Variants in CISD2 observed in about 807,000 individuals in gnomAD.
CISD2 encodes CDGSH iron sulfur domain 2.
A neutral mutation model predicts 12.9 loss-of-function variants in CISD2; 1 was observed. The ratio of observed to expected loss-of-function variants is 0.08; its 90% confidence interval spans 0.03 to 0.37. The LOEUF (loss-of-function observed/expected upper bound fraction) is 0.37. Ranked by LOEUF, CISD2 falls within the 10% of genes least tolerant of loss-of-function variation. CISD2 has a pLI of 0.99. For synonymous variants in CISD2, 50 were observed against 60.6 expected (o/e 0.83, Z 0.81); for missense variants, 97 against 163.1 (o/e 0.59, Z 2.21).
chr4:102,876,362 C>T (rs1278976480), intron 1 of CISD2, among the ~76,000 whole-genome samples: 1 of 152,158 alleles, frequency 6.6e-6, no homozygotes, highest in African/African-American at 2.4e-5. Flanking sequence ...GCACTGGTTA[C>T]ATAGATATAA....
In CISD2 at chr4:102,889,046, AG is replaced by A. The variant is rs1734091400; in HGVS notation, c.*1617del. 6.6e-6 allele frequency: 1 copy of A among 152,254 alleles called. No homozygotes were observed. 9.4% of individuals were successfully genotyped at this position (152,254 alleles called of 1,614,324 possible). Reference sequence around the variant, plus strand: ...CTTGTATGTACCAGACACTACACTAAGCATGGTACTTGGGTTTTTAATTTAT... The same window carrying A: ...CTTGTATGTACCAGACACTACACTAACATGGTACTTGGGTTTTTAATTTAT... On this transcript the variant is annotated 3_prime_UTR_variant, in exon 3 of 3. Transcript: ENST00000273986.
At position 102,888,250 on chromosome 4, in the gene CISD2, T is replaced by G. The variant is rs1734040937; in HGVS notation, c.*820T>G. The G allele has an allele frequency of 6.6e-6, 1 of 152,218 alleles. No homozygotes were observed. Among genetic ancestry groups the G allele is most frequent in the Non-Finnish European group, 1.5e-5 (1 of 68,038 alleles). 9.4% of individuals were successfully genotyped at this position (152,218 alleles called of 1,614,324 possible). ...TGTTTATGTGGATATTTTTCTCTTTTTAACACTATAAACCATTAAAATACA... is the reference window on the plus strand; with the variant it reads ...TGTTTATGTGGATATTTTTCTCTTTGTAACACTATAAACCATTAAAATACA... On this transcript the variant is annotated 3_prime_UTR_variant, in exon 3 of 3. Coordinates refer to ENST00000273986, the MANE Select transcript of CISD2 (RefSeq NM_001008388.5).
Position 102,890,295 on chromosome 4 carries a change from G to A in CISD2, c.*2865G>A, listed in dbSNP as rs1734173527. The A allele has an allele frequency of 6.6e-6, 1 of 152,182 alleles. No individual in the cohort carries two copies. Among genetic ancestry groups the A allele is most frequent in the South Asian group, 2.1e-4 (1 of 4,828 alleles). 9.4% of individuals were successfully genotyped at this position (152,182 alleles called of 1,614,324 possible). A position where few individuals can be genotyped will look rare whatever the true frequency, so the allele number is the denominator to read the frequency against. On this transcript the variant is annotated 3_prime_UTR_variant, in exon 3 of 3. Coordinates refer to ENST00000273986, the MANE Select transcript of CISD2 (RefSeq NM_001008388.5). Reference sequence around the variant, plus strand: ...ATTAAGCCAGCTGCTGATCTATATAGTACTACCTTCCTCATTGTGATTCCA... The same window carrying A: ...ATTAAGCCAGCTGCTGATCTATATAATACTACCTTCCTCATTGTGATTCCA...
chr4:102,880,825 T>TCTACTAAAATACAAAAATTAGCTG (rs1176277741), intron 1 of CISD2, among the ~76,000 whole-genome samples: 5 of 151,552 alleles, frequency 3.3e-5, no homozygotes, highest in Admixed American at 3.3e-4. Context: ...AAACCCCATC[T>TCTACTAAAATACAAAAATTAGCTG]CTACTAAAAT....
intron 1 of CISD2, chr4:102,884,965 T>C (rs1733831761): frequency 2.2e-6 from 1 of 448,854 alleles, no homozygotes; most frequent in Non-Finnish European, 4.1e-6. Context: ...GACAATGAGA[T>C]AGGATATTTG....
chr4:102,887,930 A>ATTG lies in CISD2; in HGVS notation c.*505_*507dup, dbSNP rs1359617456. On this transcript the variant is annotated 3_prime_UTR_variant, in exon 3 of 3. Coordinates refer to ENST00000273986, the MANE Select transcript of CISD2 (RefSeq NM_001008388.5). ...GAGATAGACTCTTTGCTTTATAGAG[A>ATTG]TTGTTGTGTATTTAATATGAATATC... 2 of 155,072 alleles carry ATTG rather than the reference A, an allele frequency of 1.3e-5. No homozygotes were observed. Among genetic ancestry groups the ATTG allele is most frequent in the South Asian group, 2.0e-4 (1 of 5,076 alleles). The allele number at this position is 155,072 out of a possible 1,614,324, so 9.6% of individuals were successfully genotyped here.
chr4:102,886,540 T>C (rs1733927292), intron 2 of CISD2, among the ~76,000 whole-genome samples: 1 of 152,050 alleles, frequency 6.6e-6, no homozygotes, highest in African/African-American at 2.4e-5. Flanking sequence ...GGAAAAAATA[T>C]ACCAAACTGT....
intron 1 of CISD2, among the ~76,000 whole-genome samples, chr4:102,880,869 A>G (rs113827356): frequency 0.09 from 13,613 of 151,742 alleles, 788 homozygotes; most frequent in Admixed American, 0.15. Context: ...GCGTGCGCCT[A>G]TAATCCCAGC....
chr4:102,879,230 T>A (rs1733658292), intron 1 of CISD2, among the ~76,000 whole-genome samples: 1 of 152,046 alleles, frequency 6.6e-6, no homozygotes, highest in African/African-American at 2.4e-5. Flanking sequence ...CAAACCATAT[T>A]AGTAGATACT....
chr4:102,891,509 T>A lies in CISD2; in HGVS notation c.*4079T>A, dbSNP rs1410600703. 1.3e-5 allele frequency: 2 copies of A among 152,220 alleles called. No individual in the cohort carries two copies. Among genetic ancestry groups the A allele is most frequent in the African/African-American group, 2.4e-5 (1 of 41,458 alleles). The allele number at this position is 152,220 out of a possible 1,614,324, so 9.4% of individuals were successfully genotyped here. On this transcript the variant is annotated 3_prime_UTR_variant, in exon 3 of 3. Transcript: ENST00000273986. ...GTTTAGTGATGAATTGGAATCAAGA[T>A]AAGTAGTATGTGTTATTCAAAAAGG...
chr4:102,886,565 T>G (rs1733929913), intron 2 of CISD2, among the ~76,000 whole-genome samples: 1 of 152,146 alleles, frequency 6.6e-6, no homozygotes, highest in Non-Finnish European at 1.5e-5. Context: ...TATTATTATG[T>G]GTATCTGGAT....
chr4:102,885,821 C>T (rs1320027920), intron 2 of CISD2, among the ~76,000 whole-genome samples: 1 of 152,164 alleles, frequency 6.6e-6, no homozygotes, highest in Non-Finnish European at 1.5e-5. Flanking sequence ...CTCTAATCTT[C>T]AGGGTTTGTT....
chr4:102,869,318 A>C, intron 1 of CISD2, 131 bp downstream of exon 1: 2 of 1,287,660 alleles, frequency 1.6e-6, no homozygotes, highest in Non-Finnish European at 2.2e-6. Context: ...GCGCAGAGGA[A>C]GGTGGGCGCG....
Position 102,889,626 on chromosome 4 carries a change from T to C in CISD2, c.*2196T>C, listed in dbSNP as rs1734134528. On this transcript the variant is annotated 3_prime_UTR_variant, in exon 3 of 3. Coordinates refer to ENST00000273986, the MANE Select transcript of CISD2 (RefSeq NM_001008388.5). ...AAGTAAGATGGTTGTACTCTCAGAA[T>C]AAAGACTTTTTCCCTGCCACATTTT... The C allele has an allele frequency of 7.4e-6, 1 of 134,270 alleles. No individual in the cohort carries two copies. The highest frequency in any genetic ancestry group is 2.7e-5 in the African/African-American group (1 of 36,646). The allele number at this position is 134,270 out of a possible 1,614,324, so 8.3% of individuals were successfully genotyped here. A position where few individuals can be genotyped will look rare whatever the true frequency, so the allele number is the denominator to read the frequency against.
At chr4:102,870,395 A>C (rs1049149155) in intron 1 of CISD2, among the ~76,000 whole-genome samples, 3 of 152,088 alleles carry the variant, frequency 2.0e-5, no homozygotes, top group Non-Finnish European at 4.4e-5. Context: ...AACAAACAAA[A>C]AGACTCTGGT....
Position 102,869,428 on chromosome 4 carries a change from G to A in CISD2, c.103+241G>A. The stretch of plus-strand genomic sequence containing the variant: ...GGAGTTGTCTCCGGTGTCATTCCGT[G>A]GCAAGATACCAGGTTTTTGCAGAGA... On this transcript the variant is annotated intron_variant, in intron 1 of 2. Coordinates refer to ENST00000273986, the MANE Select transcript of CISD2 (RefSeq NM_001008388.5). 4.2e-6 allele frequency: 3 copies of A among 707,978 alleles called. No individual in the cohort carries two copies. The South Asian group carries it at 4.4e-5, about 10-fold the overall frequency. The allele number at this position is 707,978 out of a possible 1,614,324, so 43.9% of individuals were successfully genotyped here.
At chr4:102,885,850 A>T (rs144048650) in intron 2 of CISD2, among the ~76,000 whole-genome samples, 16 of 152,342 alleles carry the variant, frequency 1.1e-4, no homozygotes, top group African/African-American at 3.8e-4. Context: ...ATACATCCAC[A>T]TTACATATCT....
intron 1 of CISD2, among the ~76,000 whole-genome samples, chr4:102,877,057 G>C (rs1733609812): frequency 6.6e-6 from 1 of 152,176 alleles, no homozygotes; most frequent in African/African-American, 2.4e-5. Flanking sequence ...AGATTTGGGT[G>C]GGGACACAGA....
rs531008309 is a variant in CISD2, at chr4:102,891,500, G to T, written c.*4070G>T. The T allele has an allele frequency of 1.5e-4, 23 of 152,328 alleles. No individual in the cohort carries two copies. The highest frequency in any genetic ancestry group is 5.5e-4 in the African/African-American group (23 of 41,576). 9.4% of individuals were successfully genotyped at this position (152,328 alleles called of 1,614,324 possible). ...ACAAGTGATGTTTAGTGATGAATTGGAATCAAGATAAGTAGTATGTGTTAT... is the reference window on the plus strand; with the variant it reads ...ACAAGTGATGTTTAGTGATGAATTGTAATCAAGATAAGTAGTATGTGTTAT... On this transcript the variant is annotated 3_prime_UTR_variant, in exon 3 of 3. Transcript: ENST00000273986.
Sources: gnomAD v4.1 joint callset for allele counts (sites outside exome capture counted in the v4.1 genomes callset) on GRCh38, gnomAD v4.1.1 for gene constraint, MANE v1.5 for transcripts, NCBI Gene and HGNC (gene_info 2026-07-23, HGNC 2026-07-21) for gene names.